The following DNAH7 variants were observed in gnomAD, a reference collection of about 807,000 sequenced individuals.
DNAH7 encodes dynein axonemal heavy chain 7.
Under a neutral mutation model 444.6 loss-of-function variants are expected in DNAH7, and 397 were observed. That is an observed-to-expected ratio of 0.89 (90% CI 0.82 to 0.97). The LOEUF is 0.97. Ranked by LOEUF, DNAH7 falls within the 50% of genes least tolerant of loss-of-function variation. The pLI, the probability that DNAH7 is intolerant of heterozygous loss-of-function variation, is 0.00. For synonymous variants in DNAH7, 1,636 were observed against 1,624.4 expected, an observed-to-expected ratio of 1.01 and a Z score of -0.17; for missense variants, 4,902 against 4,800.8, an observed-to-expected ratio of 1.02 and a Z score of -0.62.
chr2:195,974,409 T>C (rs779047443), intron 15 of DNAH7, among the ~76,000 whole-genome samples: 1 of 152,204 alleles, frequency 6.6e-6, no homozygotes, highest in Non-Finnish European at 1.5e-5. Flanking sequence ...TGTTTTGCCC[T>C]TGTGGTAATA....
chr2:195,827,584 T>C (rs1697833839), intron 48 of DNAH7, among the ~76,000 whole-genome samples: 1 of 151,570 alleles, frequency 6.6e-6, no homozygotes, highest in East Asian at 1.9e-4. Flanking sequence ...CTCCAGCCTA[T>C]TTTATTTTAT....
intron 19 of DNAH7, among the ~76,000 whole-genome samples, chr2:195,947,099 A>T (rs1376738598): frequency 6.8e-6 from 1 of 147,994 alleles, no homozygotes; most frequent in Non-Finnish European, 1.5e-5. Context: ...ATATTTATAT[A>T]ATTATAATAT....
intron 5 of DNAH7, among the ~76,000 whole-genome samples, chr2:196,029,464 C>G (rs1695901721): frequency 6.6e-6 from 1 of 151,878 alleles, no homozygotes; most frequent in Non-Finnish European, 1.5e-5. Flanking sequence ...CCTTTCAGCT[C>G]TAAAACTCCA....
intron 50 of DNAH7, among the ~76,000 whole-genome samples, chr2:195,817,494 C>A (rs1205510492): frequency 6.6e-6 from 1 of 152,136 alleles, no homozygotes; most frequent in Non-Finnish European, 1.5e-5. Context: ...TCTTCCAGTG[C>A]CTAAGAACTT....
intron 28 of DNAH7, 24 bp from the exon 29 acceptor site, chr2:195,897,789 T>C (rs566554992): frequency 4.1e-6 from 5 of 1,221,468 alleles, no homozygotes; most frequent in South Asian, 2.6e-5. Context: ...AAAAAACTCA[T>C]GAGGATATCT....
intron 29 of DNAH7, among the ~76,000 whole-genome samples, chr2:195,896,245 G>C (rs568280742): frequency 6.6e-6 from 1 of 152,130 alleles, no homozygotes; most frequent in East Asian, 1.9e-4. Flanking sequence ...GTGATATTTT[G>C]TTACGGTTTT....
chr2:195,805,784 T>C (rs926944445), intron 54 of DNAH7, among the ~76,000 whole-genome samples: 3 of 152,178 alleles, frequency 2.0e-5, no homozygotes, highest in Non-Finnish European at 4.4e-5. Context: ...GCCTAATGGA[T>C]ACTTGGGCCT....
chr2:196,014,610 A>C (rs926623051), intron 9 of DNAH7, among the ~76,000 whole-genome samples: 3 of 152,138 alleles, frequency 2.0e-5, no homozygotes, highest in African/African-American at 7.2e-5. Flanking sequence ...GAATTTCAAC[A>C]GTCCTGGTCC....
intron 29 of DNAH7, among the ~76,000 whole-genome samples, chr2:195,897,326 T>G (rs1019082931): frequency 3.9e-5 from 6 of 152,234 alleles, no homozygotes; most frequent in African/African-American, 1.2e-4. Context: ...AAGCATTTAC[T>G]ATATCTATAC....
At chr2:195,775,044 T>C (rs1434489081) in intron 60 of DNAH7, among the ~76,000 whole-genome samples, 1 of 152,238 alleles carries the variant, frequency 6.6e-6, no homozygotes, top group Non-Finnish European at 1.5e-5. Flanking sequence ...CAAGATAAAT[T>C]AGTTAAATAC....
chr2:195,913,338 T>C (rs1687470414), intron 24 of DNAH7, among the ~76,000 whole-genome samples: 1 of 152,164 alleles, frequency 6.6e-6, no homozygotes, highest in African/African-American at 2.4e-5. Flanking sequence ...AGGCATTCTT[T>C]AAATGTAAGA....
chr2:196,042,181 A>G (rs1696808781), intron 5 of DNAH7, among the ~76,000 whole-genome samples: 1 of 152,020 alleles, frequency 6.6e-6, no homozygotes, highest in African/African-American at 2.4e-5. Context: ...TAAACATAGA[A>G]TTATTAGATT....
At chr2:195,882,250 C>T (rs1268195048) in intron 35 of DNAH7, among the ~76,000 whole-genome samples, 1 of 152,154 alleles carries the variant, frequency 6.6e-6, no homozygotes, top group Non-Finnish European at 1.5e-5. Context: ...TTATGCCAAC[C>T]TAATAATCAA....
chr2:196,001,734 G>A lies in DNAH7; in HGVS notation c.1114C>T (p.Leu372=). The stretch of plus-strand genomic sequence containing the variant: ...ATGGAGACTAAAGTGAGGTCCTGCA[G>A]CTGTAAAGTCATAAGTGCAGCAGCA... ...NCAAALMTLQ[L]QDLTLVSMQD... The change falls in exon 11 of 65, where the codon CTG becomes TTG. Residue 372 remains leucine (L), a synonymous_variant. Coordinates refer to ENST00000312428, the MANE Select transcript of DNAH7 (RefSeq NM_018897.3). 1 of 1,606,820 alleles carries A rather than the reference G, an allele frequency of 6.2e-7. No homozygotes were observed. Among genetic ancestry groups the A allele is most frequent in the Non-Finnish European group, 8.5e-7 (1 of 1,176,516 alleles).
At chr2:195,830,857 A>G (rs903454513) in intron 48 of DNAH7, among the ~76,000 whole-genome samples, 1 of 152,224 alleles carries the variant, frequency 6.6e-6, no homozygotes, top group Non-Finnish European at 1.5e-5. Context: ...TCATGAAACT[A>G]AAGACTGAGT....
Position 195,873,612 on chromosome 2 carries a change from C to T in DNAH7, c.6369G>A (p.Met2123Ile). The part of the protein sequence containing the change: ...ITINEFSDKS[M>I]YTIFSRILTW... Reference sequence around the variant, plus strand: ...TTAAGATTCTAGAGAAGATTGTATACATGGATTTATCACTAAACTCATTGA... The same window carrying T: ...TTAAGATTCTAGAGAAGATTGTATATATGGATTTATCACTAAACTCATTGA... The change falls in exon 39 of 65, where the codon ATG becomes ATA. Residue 2123 changes from methionine (M) to isoleucine (I), a missense_variant. Met to Ile is a conservative substitution (Grantham distance 10, BLOSUM62 1). Transcript: ENST00000312428. 1 of 1,492,788 alleles carries T rather than the reference C, an allele frequency of 6.7e-7. No homozygotes were observed. Among genetic ancestry groups the T allele is most frequent in the South Asian group, 1.4e-5 (1 of 72,736 alleles). 92.5% of individuals were successfully genotyped at this position (1,492,788 alleles called of 1,614,324 possible).
At chr2:195,858,430 C>T in intron 43 of DNAH7, 44 bp downstream of exon 43, 1 of 1,448,418 alleles carries the variant, frequency 6.9e-7, no homozygotes. Context: ...CTTTCTTGGG[C>T]TATGATGACA....
In DNAH7 at chr2:195,790,329, A is replaced by G. The variant is rs568871545; in HGVS notation, c.10717-3158T>C. Among the ~76,000 whole-genome samples, 165 of 152,304 alleles carry G rather than the reference A, an allele frequency of 1.1e-3. 2 individuals are homozygous for G. The highest frequency in any genetic ancestry group is 3.8e-3 in the African/African-American group (157 of 41,556). On this transcript the variant is annotated intron_variant, in intron 57 of 64. Transcript: ENST00000312428. Reference sequence around the variant, plus strand: ...CACAGAATTAGAAAAAATTAATTCTACAACTCATAAAGAACCAAAAACAGC... The same window carrying G: ...CACAGAATTAGAAAAAATTAATTCTGCAACTCATAAAGAACCAAAAACAGC...
intron 54 of DNAH7, among the ~76,000 whole-genome samples, chr2:195,806,069 G>C (rs1308003306): frequency 6.6e-6 from 1 of 150,636 alleles, no homozygotes; most frequent in Non-Finnish European, 1.5e-5. Context: ...TGGACAACTA[G>C]GATATTTTCT....
Sources: allele counts gnomAD v4.1 joint callset (sites outside exome capture counted in the v4.1 genomes callset), GRCh38; gene constraint gnomAD v4.1.1; transcripts MANE v1.5; gene names NCBI Gene and HGNC (gene_info 2026-07-23, HGNC 2026-07-21).